The following GPC5 variants were observed in gnomAD, a reference collection of about 807,000 sequenced individuals.
The protein encoded by GPC5 is glypican-5.
A neutral mutation model predicts 53.9 loss-of-function variants in GPC5; 47 were observed. That is an observed-to-expected ratio of 0.87 (90% confidence interval 0.69 to 1.11). The LOEUF is 1.11. Ranked by LOEUF, GPC5 falls within the 50% of genes most tolerant of loss-of-function variation. GPC5 has a pLI of 0.00. For missense variants in GPC5, 748 were observed against 713.1 expected (o/e 1.05, Z -0.56); for synonymous variants, 286 against 263.3 (o/e 1.09, Z -0.84).
intron 2 of GPC5, among the ~76,000 whole-genome samples, chr13:91,595,643 C>A (rs9523371): frequency 5.9e-5 from 9 of 152,030 alleles, no homozygotes; most frequent in Non-Finnish European, 7.4e-5. Context: ...CTGAACTTCC[C>A]TTTAAGCAGG....
At chr13:92,464,249 A>G (rs963296773) in intron 7 of GPC5, among the ~76,000 whole-genome samples, 1 of 152,090 alleles carries the variant, frequency 6.6e-6, no homozygotes, top group East Asian at 1.9e-4. Flanking sequence ...CTTAAGACCC[A>G]CTCCACCATA....
chr13:92,699,757 C>A (rs1887669880), intron 7 of GPC5, among the ~76,000 whole-genome samples: 1 of 152,064 alleles, frequency 6.6e-6, no homozygotes, highest in Admixed American at 6.5e-5. Flanking sequence ...TTTCTTAATC[C>A]TGAGTTCTAA....
chr13:91,851,552 A>G (rs1295233428), intron 5 of GPC5, among the ~76,000 whole-genome samples: 3 of 151,272 alleles, frequency 2.0e-5, no homozygotes, highest in Admixed American at 6.6e-5. Flanking sequence ...CACATTGTGC[A>G]GGTTAGTTAC....
chr13:92,690,944 G>A (rs1887367552), intron 7 of GPC5, among the ~76,000 whole-genome samples: 1 of 64,842 alleles, frequency 1.5e-5, no homozygotes, highest in Non-Finnish European at 2.8e-5. Flanking sequence ...CCAGCTGAGT[G>A]CTGGGAGAAC....
At chr13:91,685,924 A>G (rs2035612376) in intron 2 of GPC5, among the ~76,000 whole-genome samples, 1 of 142,780 alleles carries the variant, frequency 7.0e-6, no homozygotes, top group Admixed American at 6.8e-5. Context: ...TTGTGTATGA[A>G]TTAACTAAAA....
intron 7 of GPC5, among the ~76,000 whole-genome samples, chr13:92,383,002 CAAAAA>C (rs57654180): frequency 0.51 from 48,027 of 94,764 alleles, 8,661 homozygotes; most frequent in African/African-American, 0.52. Context: ...GACTCCGTCT[CAAAAA>C]AAAAAAAAAA....
intron 5 of GPC5, among the ~76,000 whole-genome samples, chr13:91,762,943 T>A (rs1015886588): frequency 1.3e-5 from 2 of 152,218 alleles, no homozygotes; most frequent in African/African-American, 4.8e-5. Context: ...AATACATTTT[T>A]TTTGCATTTA....
chr13:92,862,528 G>A (rs1262749078), intron 7 of GPC5, among the ~76,000 whole-genome samples: 1 of 151,930 alleles, frequency 6.6e-6, no homozygotes, highest in Non-Finnish European at 1.5e-5. Context: ...ATACCTGGTG[G>A]AGATATATAT....
intron 2 of GPC5, among the ~76,000 whole-genome samples, chr13:91,689,176 CATATATAA>C (rs1263759432): frequency 2.0e-4 from 12 of 59,006 alleles, no homozygotes; most frequent in East Asian, 1.0e-3. Flanking sequence ...CTCAAAAAAT[CATATATAA>C]ATATATATAT....
intron 7 of GPC5, among the ~76,000 whole-genome samples, chr13:92,389,330 C>T (rs1874891197): frequency 6.6e-6 from 1 of 152,084 alleles, no homozygotes; most frequent in Non-Finnish European, 1.5e-5. Context: ...AAACAATCTT[C>T]CTCCAAGATG....
At position 92,838,478 on chromosome 13, in the gene GPC5, G is replaced by GCC. The variant is rs199677147; in HGVS notation, c.1562-27803_1562-27802insCC. 2.0e-3 allele frequency among the ~76,000 whole-genome samples: 282 copies of GCC among 142,288 alleles called. 1 individual carries two copies. The highest frequency in any genetic ancestry group is 0.019 in the East Asian group (87 of 4,472). The allele number at this position is 142,288 out of a possible 152,430, so 93.3% of individuals were successfully genotyped here. A position where few individuals can be genotyped will look rare whatever the true frequency, so the allele number is the denominator to read the frequency against. ...AGCCTGGGCTACAGAGTGAGACTCC[G>GCC]CGCCCCCCCCAAAAAAAAAAAGAAA... is the stretch of plus-strand genomic sequence containing the variant. On this transcript the variant is annotated intron_variant, in intron 7 of 7. Coordinates refer to ENST00000377067, the MANE Select transcript of GPC5 (RefSeq NM_004466.6).
chr13:92,477,038 G>A (rs1594235183), intron 7 of GPC5, among the ~76,000 whole-genome samples: 2 of 132,180 alleles, frequency 1.5e-5, no homozygotes, highest in South Asian at 2.4e-4. Flanking sequence ...AAAACTTAAA[G>A]TATAATAATA....
chr13:92,822,958 C>A (rs907160403), intron 7 of GPC5, among the ~76,000 whole-genome samples: 1 of 150,832 alleles, frequency 6.6e-6, no homozygotes, highest in Admixed American at 6.6e-5. Flanking sequence ...GTAGTAAGCA[C>A]TTTTTGAGAA....
chr13:91,609,609 T>A (rs1479406887), intron 2 of GPC5, among the ~76,000 whole-genome samples: 2 of 152,146 alleles, frequency 1.3e-5, no homozygotes, highest in Non-Finnish European at 1.5e-5. Context: ...CAAAACAAAT[T>A]TATTACTCAC....
chr13:92,321,196 T>C (rs946690663), intron 7 of GPC5, among the ~76,000 whole-genome samples: 7 of 152,312 alleles, frequency 4.6e-5, no homozygotes, highest in East Asian at 3.9e-4. Context: ...TATGCTGTTA[T>C]AGCAATGCAT....
intron 7 of GPC5, among the ~76,000 whole-genome samples, chr13:92,827,479 G>T (rs1037698484): frequency 5.3e-5 from 8 of 152,118 alleles, no homozygotes; most frequent in Non-Finnish European, 1.0e-4. Context: ...GGAAAAGAAG[G>T]AGAGATAGAG....
At chr13:92,493,785 C>A (rs1022441388) in intron 7 of GPC5, among the ~76,000 whole-genome samples, 8 of 152,102 alleles carry the variant, frequency 5.3e-5, no homozygotes, top group African/African-American at 1.7e-4. Flanking sequence ...GCTAGCAATT[C>A]GACAAGTCAC....
chr13:91,808,851 T>A (rs759074162), intron 5 of GPC5, among the ~76,000 whole-genome samples: 1 of 152,152 alleles, frequency 6.6e-6, no homozygotes, highest in African/African-American at 2.4e-5. Flanking sequence ...GGCAATAAAC[T>A]ATTTCTGAGC....
intron 7 of GPC5, among the ~76,000 whole-genome samples, chr13:92,342,645 T>C (rs1207848278): frequency 3.9e-5 from 6 of 152,104 alleles, no homozygotes; most frequent in African/African-American, 1.2e-4. Flanking sequence ...AGTTTCTTTT[T>C]TAAATTACCA....
Sources: allele counts gnomAD v4.1 joint callset (sites outside exome capture counted in the v4.1 genomes callset), GRCh38; gene constraint gnomAD v4.1.1; transcripts MANE v1.5; gene names NCBI Gene and HGNC (gene_info 2026-07-23, HGNC 2026-07-21).